Variants in VAV3 observed in about 807,000 individuals in gnomAD.
VAV3 encodes the protein vav guanine nucleotide exchange factor 3.
Under a neutral mutation model 131.2 loss-of-function variants are expected in VAV3, and 94 were observed. The observed-to-expected ratio is 0.72, with a 90% CI of 0.61 to 0.85. The LOEUF is 0.85. Among genes scored for constraint, VAV3 ranks in the 40% least tolerant of loss-of-function variants. VAV3 has a pLI of 0.00. For missense variants in VAV3, 939 were observed against 1,002.7 expected (o/e 0.94, Z 0.86); for synonymous variants, 349 against 342.0 (o/e 1.02, Z -0.22).
intron 15 of VAV3, among the ~76,000 whole-genome samples, chr1:107,738,900 G>A (rs12034861): frequency 0.01 from 1,597 of 152,270 alleles, 23 homozygotes; most frequent in South Asian, 0.048. Flanking sequence ...GCCGGAGACA[G>A]TAGCACAGTA....
At chr1:107,856,231 T>C (rs1458084321) in intron 2 of VAV3, among the ~76,000 whole-genome samples, 1 of 152,222 alleles carries the variant, frequency 6.6e-6, no homozygotes, top group Non-Finnish European at 1.5e-5. Context: ...ATGGTACTGA[T>C]GGCAGTCACA....
rs539239764 is a variant in VAV3 at position 107,701,107 on chromosome 1, A to C, written c.1705+3443T>G. On this transcript the variant is annotated intron_variant, in intron 17 of 26. Transcript: ENST00000370056. ...TTAGCTGCATAAATGTCTTCTTTTG[A>C]GAAGTGTCTGTTCATGTCCTTTGCC... Among the ~76,000 whole-genome samples, 3 of 151,994 alleles carry C rather than the reference A, an allele frequency of 2.0e-5. No individual in the cohort carries two copies. In the South Asian group the frequency reaches 6.2e-4, roughly 32 times the overall value.
chr1:107,895,302 A>G (rs767767376), intron 1 of VAV3, among the ~76,000 whole-genome samples: 7 of 152,198 alleles, frequency 4.6e-5, no homozygotes, highest in Non-Finnish European at 1.0e-4. Context: ...CATGGCTAAC[A>G]TTTGTATTCC....
At chr1:107,885,965 C>CTAATAACACTGTTATTAACCCCACACTGT (rs1671014460) in intron 1 of VAV3, among the ~76,000 whole-genome samples, 2 of 152,064 alleles carry the variant, frequency 1.3e-5, no homozygotes, top group Non-Finnish European at 2.9e-5. Context: ...TTAGTTCCAA[C>CTAATAACACTGTTATTAACCCCACACTGT]GAAGGGAGAT....
At chr1:107,797,059 A>C (rs967105337) in intron 2 of VAV3, among the ~76,000 whole-genome samples, 1 of 152,090 alleles carries the variant, frequency 6.6e-6, no homozygotes, top group Non-Finnish European at 1.5e-5. Flanking sequence ...AATATGTAAG[A>C]AGTTACTATT....
chr1:107,624,702 A>T (rs1227942597), intron 20 of VAV3, among the ~76,000 whole-genome samples: 1 of 152,334 alleles, frequency 6.6e-6, no homozygotes, highest in East Asian at 1.9e-4. Context: ...GAGTCATAGC[A>T]CCATAAACAC....
At chr1:107,582,516 C>T (rs1331834928) in intron 25 of VAV3, among the ~76,000 whole-genome samples, 1 of 151,378 alleles carries the variant, frequency 6.6e-6, no homozygotes, top group Non-Finnish European at 1.5e-5. Context: ...CACCCACTAA[C>T]TCGTCATCTA....
At chr1:107,843,722 A>G (rs1668834198) in intron 2 of VAV3, among the ~76,000 whole-genome samples, 1 of 152,078 alleles carries the variant, frequency 6.6e-6, no homozygotes, top group South Asian at 2.1e-4. Flanking sequence ...CTCTCCCCCC[A>G]TGGGGTTATT....
intron 22 of VAV3, 50 bp downstream of exon 22, chr1:107,609,881 C>A (rs370165567): frequency 6.3e-7 from 1 of 1,579,392 alleles, no homozygotes. Flanking sequence ...CATCCTGGAG[C>A]TAAGGGTATG....
intron 15 of VAV3, among the ~76,000 whole-genome samples, chr1:107,713,087 T>C (rs1322946029): frequency 6.6e-6 from 1 of 152,160 alleles, no homozygotes; most frequent in East Asian, 1.9e-4. Flanking sequence ...ATACTATCTA[T>C]TTGAAAAATA....
At chr1:107,718,209 C>A (rs1346518018) in intron 15 of VAV3, among the ~76,000 whole-genome samples, 1 of 151,900 alleles carries the variant, frequency 6.6e-6, no homozygotes, top group Non-Finnish European at 1.5e-5. Flanking sequence ...CTGGCCAGGG[C>A]AATCAAGCAA....
chr1:107,848,333 A>T (rs566230468), intron 2 of VAV3, among the ~76,000 whole-genome samples: 2 of 147,366 alleles, frequency 1.4e-5, no homozygotes, highest in Admixed American at 1.3e-4. Context: ...AAAAAAAAAT[A>T]GTGGCAAACT....
chr1:107,598,180 C>G (rs1039299379), intron 24 of VAV3, among the ~76,000 whole-genome samples: 1 of 152,088 alleles, frequency 6.6e-6, no homozygotes, highest in Non-Finnish European at 1.5e-5. Context: ...ATGGTGAAAC[C>G]CTGTCTCTAC....
rs2102240675 is a variant in VAV3, at chr1:107,783,189, G to A, written c.322-3697C>T. 3.9e-5 allele frequency among the ~76,000 whole-genome samples: 6 copies of A among 152,290 alleles called. 1 individual carries two copies. The South Asian group carries it at 1.2e-3, about 32-fold the overall frequency. ...GGTTCTGCAAATCTGCTTTAGAAGGGTGGCTTATATTCCAGAAGCTAGGAA... is the reference window on the plus strand; with the variant it reads ...GGTTCTGCAAATCTGCTTTAGAAGGATGGCTTATATTCCAGAAGCTAGGAA... On this transcript the variant is annotated intron_variant, in intron 2 of 26. Transcript: ENST00000370056.
chr1:107,852,552 T>C (rs377407894), intron 2 of VAV3, among the ~76,000 whole-genome samples: 8 of 152,326 alleles, frequency 5.3e-5, no homozygotes, highest in Admixed American at 3.3e-4. Flanking sequence ...ATTGTGAGGA[T>C]TTATTTCATT....
chr1:107,952,277 C>T (rs1674576622), intron 1 of VAV3, among the ~76,000 whole-genome samples: 2 of 151,358 alleles, frequency 1.3e-5, no homozygotes, highest in South Asian at 2.1e-4. Context: ...CATGGGCACA[C>T]GGAGGGGAAC....
In VAV3 at chr1:107,876,289, C is replaced by T. The variant is rs12090378; in HGVS notation, c.205-1272G>A. 3.6e-3 allele frequency among the ~76,000 whole-genome samples: 553 copies of T among 152,110 alleles called. 4 individuals carry two copies. Among genetic ancestry groups the T allele is most frequent in the African/African-American group, 0.012 (514 of 41,490 alleles). On this transcript the variant is annotated intron_variant, in intron 1 of 26. Coordinates refer to ENST00000370056, the MANE Select transcript of VAV3 (RefSeq NM_006113.5). ...ACGGGTACCTTGACAAAAGCAGGCT[C>T]TATATGGAGGAGTGGGATGAAAGGC...
chr1:107,657,661 A>G (rs1225310490), intron 19 of VAV3, among the ~76,000 whole-genome samples: 2 of 152,214 alleles, frequency 1.3e-5, no homozygotes, highest in African/African-American at 4.8e-5. Flanking sequence ...AGTTCCACAC[A>G]GCTACCATAG....
chr1:107,711,500 A>T (rs1020141103), intron 15 of VAV3, among the ~76,000 whole-genome samples: 5 of 152,238 alleles, frequency 3.3e-5, no homozygotes, highest in Admixed American at 3.3e-4. Context: ...CACAGGGAAC[A>T]TTCTGAAGTC....
Sources: gnomAD v4.1 joint callset for allele counts (sites outside exome capture counted in the v4.1 genomes callset) on GRCh38, gnomAD v4.1.1 for gene constraint, MANE v1.5 for transcripts, NCBI Gene and HGNC (gene_info 2026-07-23, HGNC 2026-07-21) for gene names.